The following MGMT variants were observed in gnomAD, a reference collection of about 807,000 sequenced individuals.
MGMT encodes methylated-DNA--protein-cysteine methyltransferase.
A neutral mutation model predicts 15.9 loss-of-function variants in MGMT; 14 were observed. The ratio of observed to expected loss-of-function variants is 0.88; its 90% CI spans 0.58 to 1.37. The LOEUF (loss-of-function observed/expected upper bound fraction) is 1.37. MGMT is among the 40% of genes most tolerant of loss of function. The pLI is 0.00. For missense variants in MGMT, 282 were observed against 268.1 expected, an observed-to-expected ratio of 1.05 and a Z score of -0.36; for synonymous variants, 130 against 118.2, an observed-to-expected ratio of 1.10 and a Z score of -0.65.
At chr10:129,695,145 G>C (rs1848015908) in intron 2 of MGMT, among the ~76,000 whole-genome samples, 1 of 152,116 alleles carries the variant, frequency 6.6e-6, no homozygotes. Context: ...GGCCACTGAT[G>C]GATAGTCAAG....
At chr10:129,632,805 G>A (rs1365333918) in intron 2 of MGMT, among the ~76,000 whole-genome samples, 1 of 131,996 alleles carries the variant, frequency 7.6e-6, no homozygotes, top group Non-Finnish European at 1.6e-5. Context: ...GTCAAGTTCG[G>A]AAGATTCTCA....
At chr10:129,536,556 C>T (rs1177283233) in intron 2 of MGMT, 179 bp downstream of exon 2, 2 of 704,884 alleles carry the variant, frequency 2.8e-6, no homozygotes, top group Admixed American at 3.3e-5. Flanking sequence ...TTTGCAGCTT[C>T]CCTGTGTGTT....
intron 2 of MGMT, among the ~76,000 whole-genome samples, chr10:129,687,822 T>C (rs958988421): frequency 6.6e-6 from 1 of 152,040 alleles, no homozygotes; most frequent in African/African-American, 2.4e-5. Flanking sequence ...ACATTAGGTA[T>C]ATCTCCTAAT....
intron 2 of MGMT, among the ~76,000 whole-genome samples, chr10:129,548,923 C>T (rs1846126067): frequency 6.6e-6 from 1 of 152,206 alleles, no homozygotes; most frequent in Non-Finnish European, 1.5e-5. Flanking sequence ...GAGGTGTGAG[C>T]ACCAAGAATG....
chr10:129,606,866 G>A (rs2133065565), intron 2 of MGMT, among the ~76,000 whole-genome samples: 1 of 152,342 alleles, frequency 6.6e-6, no homozygotes, highest in Non-Finnish European at 1.5e-5. Flanking sequence ...TTAACTTTCT[G>A]TCTTGAGCAT....
At chr10:129,686,399 G>A (rs1435283620) in intron 2 of MGMT, among the ~76,000 whole-genome samples, 1 of 151,962 alleles carries the variant, frequency 6.6e-6, no homozygotes, top group Non-Finnish European at 1.5e-5. Flanking sequence ...TTTTGAGACA[G>A]AGTCTCGCTT....
chr10:129,553,657 A>G (rs1422238122), intron 2 of MGMT, among the ~76,000 whole-genome samples: 5 of 152,230 alleles, frequency 3.3e-5, no homozygotes, highest in Admixed American at 6.5e-5. Context: ...AGCTTTGTCT[A>G]CTGCGGGAGA....
chr10:129,632,442 G>A (rs982234858), intron 2 of MGMT, among the ~76,000 whole-genome samples: 14 of 151,660 alleles, frequency 9.2e-5, no homozygotes, highest in African/African-American at 1.5e-4. Context: ...AGACTGAAGC[G>A]GGTATTTTCA....
intron 2 of MGMT, among the ~76,000 whole-genome samples, chr10:129,588,533 C>T (rs1030844295): frequency 5.3e-5 from 8 of 152,140 alleles, no homozygotes; most frequent in Non-Finnish European, 1.2e-4. Flanking sequence ...ACATTCTTCC[C>T]ACTCGCACGC....
At chr10:129,518,519 C>G (rs1298244656) in intron 1 of MGMT, among the ~76,000 whole-genome samples, 13 of 112,722 alleles carry the variant, frequency 1.2e-4, no homozygotes, top group South Asian at 3.5e-4. Flanking sequence ...CTCCCTTCCC[C>G]CTGCCCCTCC....
chr10:129,521,280 C>G (rs952803992), intron 1 of MGMT, among the ~76,000 whole-genome samples: 3 of 152,080 alleles, frequency 2.0e-5, no homozygotes, highest in African/African-American at 7.2e-5. Flanking sequence ...GATTTCAATC[C>G]GTGTGTCCCC....
intron 2 of MGMT, among the ~76,000 whole-genome samples, chr10:129,635,152 C>T (rs59803350): frequency 0.025 from 3,747 of 152,310 alleles, 168 homozygotes; most frequent in African/African-American, 0.086. Flanking sequence ...GCAAGAGCAG[C>T]GGTTACCACC....
intron 1 of MGMT, among the ~76,000 whole-genome samples, chr10:129,508,278 G>A (rs576211497): frequency 6.6e-6 from 1 of 152,266 alleles, no homozygotes; most frequent in East Asian, 1.9e-4. Context: ...TCACATACCT[G>A]GTGATACGTG....
chr10:129,483,022 G>T (rs1845374384), intron 1 of MGMT, among the ~76,000 whole-genome samples: 1 of 152,124 alleles, frequency 6.6e-6, no homozygotes, highest in Non-Finnish European at 1.5e-5. Flanking sequence ...GTTTTTGAAT[G>T]ATTCCAATTT....
chr10:129,759,173 A>C, intron 3 of MGMT, 29 bp from the exon 4 acceptor site: 1 of 1,613,350 alleles, frequency 6.2e-7, no homozygotes, highest in Non-Finnish European at 8.5e-7. Context: ...GTTTGTCCAA[A>C]TAACATTATC....
chr10:129,506,836 C>T (rs1845630736), intron 1 of MGMT, among the ~76,000 whole-genome samples: 1 of 152,224 alleles, frequency 6.6e-6, no homozygotes, highest in African/African-American at 2.4e-5. Context: ...AAAACTCCTC[C>T]TCCTATGAAA....
At chr10:129,597,377 A>G (rs1292804163) in intron 2 of MGMT, among the ~76,000 whole-genome samples, 2 of 152,130 alleles carry the variant, frequency 1.3e-5, no homozygotes, top group African/African-American at 4.8e-5. Flanking sequence ...ATTGAGCAAA[A>G]CATGCTGAGT....
At chr10:129,523,010 T>C (rs941663022) in intron 1 of MGMT, among the ~76,000 whole-genome samples, 1 of 152,270 alleles carries the variant, frequency 6.6e-6, no homozygotes, top group Non-Finnish European at 1.5e-5. Context: ...CCATGACATA[T>C]TTAAGCTGAA....
Position 129,542,309 on chromosome 10 carries a change from G to A in MGMT, c.125+5932G>A, listed in dbSNP as rs576552983. On this transcript the variant is annotated intron_variant, in intron 2 of 4. Coordinates refer to ENST00000651593, the MANE Select transcript of MGMT (RefSeq NM_002412.5). The stretch of plus-strand genomic sequence containing the variant: ...TGCCAGTTATCCCCACGGCCTCTCC[G>A]TGCAGGTCGGTCTGACCAGTGCCAG... Among the ~76,000 whole-genome samples, 15 of 152,236 alleles carry A rather than the reference G, an allele frequency of 9.9e-5. No homozygotes were observed. The East Asian group carries it at 1.9e-3, about 20-fold the overall frequency.
Sources: allele counts gnomAD v4.1 joint callset (sites outside exome capture counted in the v4.1 genomes callset), GRCh38; gene constraint gnomAD v4.1.1; transcripts MANE v1.5; gene names NCBI Gene and HGNC (gene_info 2026-07-23, HGNC 2026-07-21).